The following AGPAT5 variants were observed in gnomAD, a reference collection of about 807,000 sequenced individuals.
AGPAT5 encodes 1-acylglycerol-3-phosphate O-acyltransferase 5, also known as 1-acyl-sn-glycerol-3-phosphate acyltransferase epsilon.
Under a neutral mutation model 45.6 loss-of-function variants are expected in AGPAT5, and 46 were observed. The ratio of observed to expected loss-of-function variants is 1.01; its 90% CI spans 0.80 to 1.29. The LOEUF is 1.29. Ranked by LOEUF, AGPAT5 falls within the 50% of genes most tolerant of loss-of-function variation. AGPAT5 has a pLI of 0.00. For synonymous variants in AGPAT5, 272 were observed against 167.0 expected (o/e 1.63, Z -4.85); for missense variants, 673 against 450.7 (o/e 1.49, Z -4.47).
At chr8:6,755,001 C>G in intron 6 of AGPAT5, 50 bp from the exon 7 acceptor site, 2 of 1,440,882 alleles carry the variant, frequency 1.4e-6, no homozygotes, top group Non-Finnish European at 1.9e-6. Flanking sequence ...TTTATATGAC[C>G]ATGAGTTCTA....
chr8:6,708,755 G>T lies in AGPAT5; in HGVS notation c.87G>T (p.Val29=), dbSNP rs772284270. ...TCCTGGGCACGGCGCCCACCTACGT[G>T]TTGGCCTGGGGGGTCTGGCGGCTGC... ...VVLLGTAPTY[V]LAWGVWRLLS... The change falls in exon 1 of 8, where the codon GTG becomes GTT. Residue 29 remains valine (V), a synonymous_variant. Coordinates refer to ENST00000285518, the MANE Select transcript of AGPAT5 (RefSeq NM_018361.5). 6.2e-7 allele frequency: 1 copy of T among 1,608,604 alleles called. No individual in the cohort carries two copies. The highest frequency in any genetic ancestry group is 8.5e-7 in the Non-Finnish European group (1 of 1,179,666).
chr8:6,726,717 G>C (rs1800699146), intron 2 of AGPAT5, among the ~76,000 whole-genome samples: 1 of 152,140 alleles, frequency 6.6e-6, no homozygotes. Context: ...AGACCATACT[G>C]ACCTGAATTT....
At chr8:6,730,665 C>G in intron 2 of AGPAT5, 46 bp from the exon 3 acceptor site, 1 of 1,302,762 alleles carries the variant, frequency 7.7e-7, no homozygotes, top group Non-Finnish European at 1.1e-6. Flanking sequence ...ATAGTACAAC[C>G]TGTGAAGAGC....
intron 1 of AGPAT5, among the ~76,000 whole-genome samples, chr8:6,715,845 G>GT (rs1800310845): frequency 6.6e-6 from 1 of 152,202 alleles, no homozygotes; most frequent in Non-Finnish European, 1.5e-5. Context: ...ATTACTTGGA[G>GT]TTTTTACTTT....
chr8:6,746,327 A>G (rs968317210), intron 5 of AGPAT5: 1 of 152,128 alleles, frequency 6.6e-6, no homozygotes, highest in Non-Finnish European at 1.5e-5. Context: ...CGCGTTCTGG[A>G]GCAGAAGCCT....
chr8:6,716,787 G>A (rs1800345715), intron 1 of AGPAT5, among the ~76,000 whole-genome samples: 1 of 152,076 alleles, frequency 6.6e-6, no homozygotes. Flanking sequence ...AAGCCAAGAT[G>A]GCACCATTGC....
At chr8:6,710,371 C>T (rs1350392516) in intron 1 of AGPAT5, among the ~76,000 whole-genome samples, 1 of 152,190 alleles carries the variant, frequency 6.6e-6, no homozygotes, top group Non-Finnish European at 1.5e-5. Flanking sequence ...CCCCCACCGT[C>T]TGTTCAAATC....
chr8:6,733,312 C>A (rs1047562239), intron 4 of AGPAT5, among the ~76,000 whole-genome samples: 2 of 152,180 alleles, frequency 1.3e-5, no homozygotes, highest in African/African-American at 2.4e-5. Context: ...CTTTCCCTTT[C>A]CTTTCTGGCT....
intron 1 of AGPAT5, among the ~76,000 whole-genome samples, chr8:6,714,132 C>A (rs1304753691): frequency 6.6e-6 from 1 of 152,204 alleles, no homozygotes; most frequent in Non-Finnish European, 1.5e-5. Flanking sequence ...CCAGCGTCGT[C>A]TCTGATACCT....
intron 1 of AGPAT5, among the ~76,000 whole-genome samples, chr8:6,721,913 A>C (rs1800516357): frequency 6.6e-6 from 1 of 152,010 alleles, no homozygotes; most frequent in South Asian, 2.1e-4. Context: ...GGCTGGACTC[A>C]AACTCCTGAA....
At chr8:6,744,171 TG>T (rs1801343729) in intron 5 of AGPAT5, among the ~76,000 whole-genome samples, 1 of 151,862 alleles carries the variant, frequency 6.6e-6, no homozygotes, top group Admixed American at 6.6e-5. Context: ...ACTAGAAAAA[TG>T]GGAAAAGGGC....
At chr8:6,754,797 T>C (rs1801776698) in intron 6 of AGPAT5, among the ~76,000 whole-genome samples, 1 of 152,196 alleles carries the variant, frequency 6.6e-6, no homozygotes, top group Non-Finnish European at 1.5e-5. Flanking sequence ...TTTGGTACTA[T>C]TGATTTAACT....
At chr8:6,753,111 C>G (rs1373210716) in intron 6 of AGPAT5, among the ~76,000 whole-genome samples, 1 of 152,230 alleles carries the variant, frequency 6.6e-6, no homozygotes, top group Non-Finnish European at 1.5e-5. Flanking sequence ...GCCGTAAACA[C>G]ATTCTGAGCA....
Position 6,747,822 on chromosome 8 carries a change from A to G in AGPAT5, c.739A>G (p.Met247Val). 6.2e-7 allele frequency: 1 copy of G among 1,614,048 alleles called. No individual in the cohort carries two copies. The highest frequency in any genetic ancestry group is 8.5e-7 in the Non-Finnish European group (1 of 1,179,952). The change falls in exon 6 of 8, where the codon ATG becomes GTG. Residue 247 changes from methionine (M) to valine (V), a missense_variant. Coordinates refer to ENST00000285518, the MANE Select transcript of AGPAT5 (RefSeq NM_018361.5). ...DGGQRRESPTMTEFLCKECPK... is the reference protein window; with the variant it reads ...DGGQRRESPTVTEFLCKECPK... ...AGGGCAGCGAAGAGAGTCACCGACCATGACGGGTAAGTGTGTTCACGCACC... is the reference window on the plus strand; with the variant it reads ...AGGGCAGCGAAGAGAGTCACCGACCGTGACGGGTAAGTGTGTTCACGCACC...
At position 6,757,173 on chromosome 8, in the gene AGPAT5, G is replaced by C. The variant is rs1391192681; in HGVS notation, c.880G>C (p.Glu294Gln). The change falls in exon 8 of 8, where the codon GAA becomes CAA. Residue 294 changes from glutamate (E) to glutamine (Q), a missense_variant. Glu to Gln is a conservative substitution (Grantham distance 29, BLOSUM62 2). Transcript: ENST00000285518. ...CCATTCTGGCCATAGGATGCTTATA[G>C]AATTTTATGAGTCACCAGATCCAGA... ...RFEIKDKMLI[E>Q]FYESPDPERR... 7 of 1,613,070 alleles carry C rather than the reference G, an allele frequency of 4.3e-6. No individual in the cohort carries two copies. Among genetic ancestry groups the C allele is most frequent in the East Asian group, 2.2e-5 (1 of 44,882 alleles).
chr8:6,747,739 A>G lies in AGPAT5; in HGVS notation c.656A>G (p.Lys219Arg). ...ACTCACGTTGCTTTTGATTGCATGA[A>G]GAATTATTTAGATGCAATTTATGAT... Reference protein sequence around the residue: ...KATHVAFDCMKNYLDAIYDVT... With the variant: ...KATHVAFDCMRNYLDAIYDVT... The change falls in exon 6 of 8, where the codon AAG becomes AGG. Residue 219 changes from lysine to arginine, a missense_variant. Lys to Arg is a conservative substitution (Grantham distance 26). Coordinates refer to ENST00000285518, the MANE Select transcript of AGPAT5 (RefSeq NM_018361.5). 6.2e-7 allele frequency: 1 copy of G among 1,614,252 alleles called. No homozygotes were observed. The highest frequency in any genetic ancestry group is 1.1e-5 in the South Asian group (1 of 91,088).
chr8:6,752,058 T>G (rs1461330100), intron 6 of AGPAT5, among the ~76,000 whole-genome samples: 1 of 152,066 alleles, frequency 6.6e-6, no homozygotes, highest in Non-Finnish European at 1.5e-5. Context: ...GCACCTGTAA[T>G]TCCAGCTACT....
Position 6,730,792 on chromosome 8 carries a change from A to C in AGPAT5, c.371A>C (p.Lys124Thr). Residue 124 changes from lysine to threonine, a missense_variant, in exon 3 of 8, where the codon AAA becomes ACA. Physicochemically the swap from Lys to Thr is moderately conservative, Grantham distance 78. Coordinates refer to ENST00000285518, the MANE Select transcript of AGPAT5 (RefSeq NM_018361.5). Reference protein sequence around the residue: ...HVRYVLKEGLKWLPLYGCYFA... With the variant: ...HVRYVLKEGLTWLPLYGCYFA... ...CGCTACGTGCTGAAAGAAGGGTTAA[A>C]ATGGCTGCCATTGTATGGGTGTTAC... 3 of 1,613,494 alleles carry C rather than the reference A, an allele frequency of 1.9e-6. No homozygotes were observed. The highest frequency in any genetic ancestry group is 2.5e-6 in the Non-Finnish European group (3 of 1,179,552).
chr8:6,729,231 TA>T (rs1412374626), intron 2 of AGPAT5, among the ~76,000 whole-genome samples: 2 of 152,224 alleles, frequency 1.3e-5, no homozygotes, highest in African/African-American at 4.8e-5. Context: ...GTGCATTGTC[TA>T]ATAGATTTCC....
Sources: allele counts gnomAD v4.1 joint callset (sites outside exome capture counted in the v4.1 genomes callset), GRCh38; gene constraint gnomAD v4.1.1; transcripts MANE v1.5; gene names NCBI Gene and HGNC (gene_info 2026-07-23, HGNC 2026-07-21).